The following CASD1 variants were observed in gnomAD, a reference collection of about 807,000 sequenced individuals.
The protein encoded by CASD1 is CAS1 domain sialic acid O acetyltransferase 1.
In CASD1, 41 loss-of-function variants were observed where a neutral mutation model predicts 100.0. The ratio of observed to expected loss-of-function variants is 0.41; its 90% CI spans 0.32 to 0.53. The LOEUF is 0.53. CASD1 is among the 20% of genes least tolerant of loss of function. The pLI is 0.25. For synonymous variants in CASD1, 321 were observed against 315.6 expected, an observed-to-expected ratio of 1.02 and a Z score of -0.18; for missense variants, 774 against 948.7, an observed-to-expected ratio of 0.82 and a Z score of 2.42.
chr7:94,617,698 T>A, the CASD1 span: 1 of 152,240 alleles, frequency 6.6e-6, no homozygotes, highest in Admixed American at 6.5e-5. Context: ...TTGACTGATT[T>A]CAAAATCCAT....
chr7:94,588,764 GT>G, the CASD1 span: 1,230 of 1,613,076 alleles, frequency 7.6e-4, 27 homozygotes, highest in East Asian at 0.021. Context: ...GAGTAAAACT[GT>G]TTGTTTACAC....
At chr7:94,596,832 A>AT in the CASD1 span, among the ~76,000 whole-genome samples, 2 of 151,976 alleles carry the variant, frequency 1.3e-5, no homozygotes, top group African/African-American at 4.8e-5. Flanking sequence ...TGATCATTCC[A>AT]TTTTTTTGAA....
At chr7:94,564,672 G>T in the CASD1 span, among the ~76,000 whole-genome samples, 1 of 152,284 alleles carries the variant, frequency 6.6e-6, no homozygotes, top group South Asian at 2.1e-4. Flanking sequence ...ACTTTGGCCA[G>T]AACCCCATTT....
intron 11 of CASD1, 135 bp from the exon 12 acceptor site, chr7:94,545,410 A>G: frequency 1.8e-6 from 1 of 555,362 alleles, no homozygotes; most frequent in Non-Finnish European, 3.2e-6. Flanking sequence ...GGGATTAGTA[A>G]TATATACTTG....
intron 9 of CASD1, among the ~76,000 whole-genome samples, chr7:94,538,434 T>C (rs1392222578): frequency 6.6e-6 from 1 of 152,128 alleles, no homozygotes; most frequent in Non-Finnish European, 1.5e-5. Context: ...TTACAAGGCA[T>C]GATTTATTTG....
the CASD1 span, among the ~76,000 whole-genome samples, chr7:94,586,084 A>C: frequency 6.6e-6 from 1 of 150,866 alleles, no homozygotes; most frequent in Non-Finnish European, 1.5e-5. Flanking sequence ...AAAAAAAAAA[A>C]AAACAACAAC....
chr7:94,592,936 T>C, the CASD1 span, among the ~76,000 whole-genome samples: 1 of 152,068 alleles, frequency 6.6e-6, no homozygotes, highest in Admixed American at 6.6e-5. Context: ...CAATAAGAAA[T>C]AGTTATATAT....
intron 10 of CASD1, among the ~76,000 whole-genome samples, chr7:94,541,537 G>GTT (rs56786123): frequency 0.019 from 1,156 of 60,114 alleles, 240 homozygotes; most frequent in Middle Eastern, 0.061. Context: ...TGTTCCACTG[G>GTT]TTTTTTTTTT....
chr7:94,555,818 G>A lies in CASD1; in HGVS notation c.*60G>A. Reference sequence around the variant, plus strand: ...GCTACCTTTGTGTGTCTCTAGAAGAGAAAAGCATCTATCTGGAGATATAAA... The same window carrying A: ...GCTACCTTTGTGTGTCTCTAGAAGAAAAAAGCATCTATCTGGAGATATAAA... On this transcript the variant is annotated 3_prime_UTR_variant, in exon 18 of 18. Coordinates refer to ENST00000297273, the MANE Select transcript of CASD1 (RefSeq NM_022900.5). 6.7e-7 allele frequency: 1 copy of A among 1,492,036 alleles called. No individual in the cohort carries two copies. The allele number at this position is 1,492,036 out of a possible 1,614,324, so 92.4% of individuals were successfully genotyped here.
At chr7:94,549,438 A>G (rs1396879815) in intron 13 of CASD1, 95 bp from the exon 14 acceptor site, 1 of 783,076 alleles carries the variant, frequency 1.3e-6, no homozygotes, top group Non-Finnish European at 2.0e-6. Context: ...ACTCTTATAT[A>G]ATCCAAACTT....
chr7:94,554,190 C>G, intron 16 of CASD1: 1 of 190,352 alleles, frequency 5.3e-6, no homozygotes, highest in Non-Finnish European at 1.1e-5. Context: ...TTTTTCTACA[C>G]AAAGGGCCTT....
the CASD1 span, among the ~76,000 whole-genome samples, chr7:94,570,510 G>A: frequency 3.3e-5 from 5 of 151,480 alleles, no homozygotes; most frequent in East Asian, 1.9e-4. Flanking sequence ...TTTTTTTGGC[G>A]GGGGGATGGA....
At chr7:94,580,781 T>A in the CASD1 span, among the ~76,000 whole-genome samples, 2 of 152,260 alleles carry the variant, frequency 1.3e-5, no homozygotes, top group Admixed American at 6.5e-5. Flanking sequence ...TTGGAATACT[T>A]CTTCGCATAC....
At chr7:94,598,875 A>G in the CASD1 span, 5 of 1,613,234 alleles carry the variant, frequency 3.1e-6, no homozygotes, top group African/African-American at 4.0e-5. Flanking sequence ...GGAAGCGTTG[A>G]CAGGGGCCAT....
the CASD1 span, chr7:94,621,117 A>G: frequency 6.6e-6 from 1 of 152,276 alleles, no homozygotes; most frequent in Admixed American, 6.5e-5. Flanking sequence ...TGGACAGAGC[A>G]TGATTACCCT....
rs1318108956 is a variant in CASD1, at chr7:94,509,895, C to G, written c.-190C>G. The G allele has an allele frequency of 9.3e-7, 1 of 1,075,632 alleles. No homozygotes were observed. Among genetic ancestry groups the G allele is most frequent in the African/African-American group, 1.7e-5 (1 of 59,428 alleles). The allele number at this position is 1,075,632 out of a possible 1,614,324, so 66.6% of individuals were successfully genotyped here. A position where few individuals can be genotyped will look rare whatever the true frequency, so the allele number is the denominator to read the frequency against. On this transcript the variant is annotated 5_prime_UTR_variant, in exon 1 of 18. Transcript: ENST00000297273. ...GGGAGGCCGCCGAGTCGGCCGCGGC[C>G]GAGGAGGGGCAGGCGGAGGTCGGGG...
chr7:94,600,223 TTG>T, the CASD1 span: 1 of 193,620 alleles, frequency 5.2e-6, no homozygotes, highest in East Asian at 1.4e-4. Context: ...AAACATTAAA[TTG>T]TGTTACCCTG....
At chr7:94,568,917 G>A in the CASD1 span, among the ~76,000 whole-genome samples, 1 of 152,132 alleles carries the variant, frequency 6.6e-6, no homozygotes. Context: ...TCCATACTGT[G>A]AGAAATAAAT....
the CASD1 span, among the ~76,000 whole-genome samples, chr7:94,581,055 C>G: frequency 1.3e-5 from 2 of 152,296 alleles, no homozygotes; most frequent in East Asian, 1.9e-4. Flanking sequence ...ACATTAGACA[C>G]ATAGACTCAA....
Sources: gnomAD v4.1 joint callset for allele counts (sites outside exome capture counted in the v4.1 genomes callset) on GRCh38, gnomAD v4.1.1 for gene constraint, MANE v1.5 for transcripts, NCBI Gene and HGNC (gene_info 2026-07-23, HGNC 2026-07-21) for gene names.